The following IGF2BP2 variants were observed in gnomAD, a reference collection of about 807,000 sequenced individuals.
IGF2BP2 encodes insulin like growth factor 2 mRNA binding protein 2.
Under a neutral mutation model 75.8 loss-of-function variants are expected in IGF2BP2, and 17 were observed. The observed-to-expected ratio is 0.22, with a 90% CI of 0.15 to 0.34. IGF2BP2 has a LOEUF of 0.34. Ranked by LOEUF, IGF2BP2 falls within the 10% of genes least tolerant of loss-of-function variation. The probability of loss-of-function intolerance (pLI) is 1.00; values close to 1 mark genes in which losing one functional copy is unlikely to be tolerated. For synonymous variants in IGF2BP2, 288 were observed against 295.6 expected, an observed-to-expected ratio of 0.97 and a Z score of 0.26; for missense variants, 516 against 772.4, an observed-to-expected ratio of 0.67 and a Z score of 3.93.
At chr3:185,729,529 T>C (rs1158459902) in intron 2 of IGF2BP2, 2 of 152,228 alleles carry the variant, frequency 1.3e-5, no homozygotes, top group Non-Finnish European at 2.9e-5. Flanking sequence ...TTTTTTGGTA[T>C]TGTATGGTGC....
chr3:185,793,843 C>T (rs1052639462), intron 2 of IGF2BP2, among the ~76,000 whole-genome samples: 9 of 152,046 alleles, frequency 5.9e-5, no homozygotes, highest in Admixed American at 2.0e-4. Flanking sequence ...AATCTAACAG[C>T]TCTATGGAGT....
At chr3:185,713,123 G>T in intron 2 of IGF2BP2, 1 of 294,828 alleles carries the variant, frequency 3.4e-6, no homozygotes, top group South Asian at 3.5e-5. Flanking sequence ...ATATGTGTGT[G>T]TGTGTGTCTT....
In IGF2BP2 at chr3:185,800,951, A is replaced by C. The variant is rs1391296315; in HGVS notation, c.239+22202T>G. On this transcript the variant is annotated intron_variant, in intron 2 of 15. Coordinates refer to ENST00000382199, the MANE Select transcript of IGF2BP2 (RefSeq NM_006548.6). ...CTACAGAATGGGAGAAAAATTTTGCAATCTAACCACCTGACAAAGGTCTAA... is the reference window on the plus strand; with the variant it reads ...CTACAGAATGGGAGAAAAATTTTGCCATCTAACCACCTGACAAAGGTCTAA... 1.3e-5 allele frequency among the ~76,000 whole-genome samples: 2 copies of C among 152,176 alleles called. 1 individual carries two copies. Among genetic ancestry groups the C allele is most frequent in the Non-Finnish European group, 2.9e-5 (2 of 68,036 alleles).
intron 2 of IGF2BP2, among the ~76,000 whole-genome samples, chr3:185,765,801 T>G (rs911467522): frequency 1.3e-5 from 2 of 152,204 alleles, no homozygotes; most frequent in Admixed American, 1.3e-4. Flanking sequence ...AGGAAGACAC[T>G]CTGATTCTGG....
chr3:185,751,887 C>T (rs1040429315), intron 2 of IGF2BP2, among the ~76,000 whole-genome samples: 6 of 152,082 alleles, frequency 3.9e-5, no homozygotes, highest in Middle Eastern at 6.8e-3. Flanking sequence ...GGCAGGAACC[C>T]GCAAGGCAGA....
intron 2 of IGF2BP2, among the ~76,000 whole-genome samples, chr3:185,702,414 G>A (rs559136610): frequency 1.4e-4 from 21 of 152,200 alleles, no homozygotes; most frequent in African/African-American, 5.1e-4. Context: ...CTTTCTCCCT[G>A]AAACTGTGCC....
At chr3:185,761,443 T>G (rs747649725) in intron 2 of IGF2BP2, among the ~76,000 whole-genome samples, 18 of 152,244 alleles carry the variant, frequency 1.2e-4, no homozygotes, top group Admixed American at 5.2e-4. Flanking sequence ...CACTGTGAAG[T>G]GTACGTGTCA....
intron 2 of IGF2BP2, among the ~76,000 whole-genome samples, chr3:185,774,628 A>G (rs1200110801): frequency 6.6e-6 from 1 of 151,486 alleles, no homozygotes; most frequent in East Asian, 1.9e-4. Flanking sequence ...GAAAGTAAAA[A>G]CAACTTCAAG....
intron 10 of IGF2BP2, among the ~76,000 whole-genome samples, chr3:185,663,285 G>A (rs1455454909): frequency 6.6e-6 from 1 of 152,142 alleles, no homozygotes; most frequent in African/African-American, 2.4e-5. Context: ...GCAGTGGGGA[G>A]GGGGAAAGGA....
chr3:185,814,338 T>C (rs1352339177), intron 2 of IGF2BP2, among the ~76,000 whole-genome samples: 1 of 152,174 alleles, frequency 6.6e-6, no homozygotes, highest in African/African-American at 2.4e-5. Flanking sequence ...CATACAATGA[T>C]AAAGAAAAAC....
intron 2 of IGF2BP2, among the ~76,000 whole-genome samples, chr3:185,782,369 T>C (rs1735322287): frequency 1.3e-5 from 2 of 152,164 alleles, no homozygotes; most frequent in Admixed American, 6.5e-5. Flanking sequence ...ATCTACCCCT[T>C]TTCCTCTGTA....
At chr3:185,665,441 AG>A (rs1717308094) in intron 10 of IGF2BP2, among the ~76,000 whole-genome samples, 2 of 120,080 alleles carry the variant, frequency 1.7e-5, no homozygotes, top group African/African-American at 6.1e-5. Context: ...GAGGAGGAGA[AG>A]GAGGAGGAGG....
At chr3:185,705,699 C>T (rs1397008975) in intron 2 of IGF2BP2, among the ~76,000 whole-genome samples, 4 of 152,312 alleles carry the variant, frequency 2.6e-5, no homozygotes, top group African/African-American at 9.6e-5. Flanking sequence ...GATCAAGGCA[C>T]CAGCAGATTT....
Position 185,643,779 on chromosome 3 carries a change from C to CTGTTTTTTTTTTTTTTTTT in IGF2BP2, c.*1751_*1752insAAAAAAAAAAAAAAAAACA, listed in dbSNP as rs1713033371. 1 of 111,970 alleles carries CTGTTTTTTTTTTTTTTTTT rather than the reference C, an allele frequency of 8.9e-6. No homozygotes were observed. The highest frequency in any genetic ancestry group is 1.8e-5 in the Non-Finnish European group (1 of 56,612). 6.9% of individuals were successfully genotyped at this position (111,970 alleles called of 1,614,324 possible). A position where few individuals can be genotyped will look rare whatever the true frequency, so the allele number is the denominator to read the frequency against. ...ATATTTCTGTTTTTTCTTTTTTTTT[C>CTGTTTTTTTTTTTTTTTTT]TTTTTTTTTTTTTTTTTTTTGTCAC... On this transcript the variant is annotated 3_prime_UTR_variant, in exon 16 of 16. Transcript: ENST00000382199.
intron 2 of IGF2BP2, among the ~76,000 whole-genome samples, chr3:185,793,027 G>C (rs1736861424): frequency 6.6e-6 from 1 of 152,086 alleles, no homozygotes; most frequent in African/African-American, 2.4e-5. Flanking sequence ...CACAAACACG[G>C]CTCAACATCT....
intron 10 of IGF2BP2, among the ~76,000 whole-genome samples, chr3:185,662,980 C>T (rs575060342): frequency 6.6e-6 from 1 of 152,252 alleles, no homozygotes; most frequent in South Asian, 2.1e-4. Context: ...ACACCCAGCC[C>T]CATTCCCATA....
intron 2 of IGF2BP2, among the ~76,000 whole-genome samples, chr3:185,744,193 C>G (rs1578169657): frequency 1.3e-5 from 2 of 152,188 alleles, no homozygotes; most frequent in South Asian, 4.1e-4. Context: ...TTATTTTATT[C>G]CTACCATAGC....
At chr3:185,703,053 G>A (rs900059990) in intron 2 of IGF2BP2, among the ~76,000 whole-genome samples, 2 of 152,188 alleles carry the variant, frequency 1.3e-5, no homozygotes, top group Admixed American at 6.5e-5. Context: ...ACCAGGAAAC[G>A]AGTAATGCAG....
intron 2 of IGF2BP2, among the ~76,000 whole-genome samples, chr3:185,775,457 A>C (rs962648880): frequency 7.2e-5 from 11 of 152,228 alleles, no homozygotes; most frequent in Admixed American, 2.0e-4. Flanking sequence ...TTTAAACAAC[A>C]CATCACACAA....
Sources: allele counts gnomAD v4.1 joint callset (sites outside exome capture counted in the v4.1 genomes callset), GRCh38; gene constraint gnomAD v4.1.1; transcripts MANE v1.5; gene names NCBI Gene and HGNC (gene_info 2026-07-23, HGNC 2026-07-21).